MCM10: variants seen among roughly 807,000 people sequenced by gnomAD.
MCM10 encodes protein MCM10 homolog.
A neutral mutation model predicts 109.9 loss-of-function variants in MCM10; 91 were observed. The observed-to-expected ratio is 0.83, with a 90% CI of 0.70 to 0.99. The LOEUF (loss-of-function observed/expected upper bound fraction) is 0.99, where lower values mean the gene tolerates loss of function less well. Ranked by LOEUF, MCM10 falls within the 50% of genes least tolerant of loss-of-function variation. The pLI is 0.00. For synonymous variants in MCM10, 380 were observed against 387.2 expected (o/e 0.98, Z 0.22); for missense variants, 1,077 against 1,061.2 (o/e 1.01, Z -0.21).
chr10:13,204,495 G>A, intron 18 of MCM10, 131 bp downstream of exon 18: 2 of 1,159,338 alleles, frequency 1.7e-6, no homozygotes, highest in Non-Finnish European at 2.4e-6. Flanking sequence ...GCTACCCTTG[G>A]GACTCAAGCT....
intron 9 of MCM10, 38 bp from the exon 10 acceptor site, chr10:13,188,843 T>C (rs1488108186): frequency 6.3e-7 from 1 of 1,576,248 alleles, no homozygotes; most frequent in Admixed American, 1.7e-5. Context: ...TCCCAGCCTG[T>C]TGCCCTCATC....
At chr10:13,197,542 C>G (rs751192249) in intron 14 of MCM10, 81 bp from the exon 15 acceptor site, 134 of 1,305,182 alleles carry the variant, frequency 1.0e-4, no homozygotes, top group Non-Finnish European at 1.4e-4. Flanking sequence ...TCACTGGTTA[C>G]TAATAAAAAA....
At position 13,172,297 on chromosome 10, in the gene MCM10, A is replaced by G. The variant is rs1294889631; in HGVS notation, c.350-79A>G. On this transcript the variant is annotated intron_variant, in intron 3 of 19. Coordinates refer to ENST00000378714, the MANE Select transcript of MCM10 (RefSeq NM_018518.5). This position sits in a 1 kb window ranked among gnomAD's most constrained non-coding sequence, Gnocchi z 5.2. ...GGTATTGGGGCAGGGAGTGGACAACAAAAATATTGCCCGCATTTTTGTCAT... is the reference window on the plus strand; with the variant it reads ...GGTATTGGGGCAGGGAGTGGACAACGAAAATATTGCCCGCATTTTTGTCAT... The G allele has an allele frequency of 9.1e-7, 1 of 1,097,472 alleles. No homozygotes were observed. The highest frequency in any genetic ancestry group is 1.4e-6 in the Non-Finnish European group (1 of 723,336). The allele number at this position is 1,097,472 out of a possible 1,614,324, so 68.0% of individuals were successfully genotyped here.
At chr10:13,173,768 T>C (rs1347967352) in intron 5 of MCM10, among the ~76,000 whole-genome samples, 1 of 152,148 alleles carries the variant, frequency 6.6e-6, no homozygotes, top group Non-Finnish European at 1.5e-5. Flanking sequence ...TTGGCATTAC[T>C]AGGGTGTTGC....
At chr10:13,194,584 G>T (rs1462543002) in intron 13 of MCM10, among the ~76,000 whole-genome samples, 2 of 152,044 alleles carry the variant, frequency 1.3e-5, no homozygotes, top group Admixed American at 1.3e-4. Flanking sequence ...TAAAATAATC[G>T]CTGCAAGTTA....
chr10:13,192,058 A>G (rs1834354728), intron 11 of MCM10, among the ~76,000 whole-genome samples, 197 bp from the exon 12 acceptor site: 1 of 152,232 alleles, frequency 6.6e-6, no homozygotes, highest in Non-Finnish European at 1.5e-5. Context: ...TACTAGAAAT[A>G]AAATATAGTC....
chr10:13,192,544 G>A lies in MCM10; in HGVS notation c.1721G>A (p.Arg574Lys), dbSNP rs1307492206. The change falls in exon 13 of 20, where the codon AGG becomes AAG. Residue 574 changes from arginine (R) to lysine (K), a missense_variant. Coordinates refer to ENST00000378714, the MANE Select transcript of MCM10 (RefSeq NM_018518.5). ...CAGCGGATGTTGGAGATGAGGAGAA[G>A]GAAATCAGAAGAAATACAGAAGCGG... ...QKQRMLEMRR[R>K]KSEEIQKRFL... 3 of 1,614,152 alleles carry A rather than the reference G, an allele frequency of 1.9e-6. No individual in the cohort carries two copies. Among genetic ancestry groups the A allele is most frequent in the Non-Finnish European group, 2.5e-6 (3 of 1,180,032 alleles).
rs2277221 is a variant in MCM10, at chr10:13,204,284, T to C, written c.2418T>C (p.His806=). The change falls in exon 18 of 20, where the codon CAT becomes CAC. Residue 806 remains histidine, a synonymous_variant. Coordinates refer to ENST00000378714, the MANE Select transcript of MCM10 (RefSeq NM_018518.5). The part of the protein sequence containing the change: ...CVSEQHEYHW[H]DGVKRFFKCP... Reference sequence around the variant, plus strand: ...GTGAGCAGCATGAATACCACTGGCATGATGGTGTGAAGAGGTTTTTCAAAT... The same window carrying C: ...GTGAGCAGCATGAATACCACTGGCACGATGGTGTGAAGAGGTTTTTCAAAT... 15,480 of 1,614,128 alleles carry C rather than the reference T, an allele frequency of 9.6e-3. 408 individuals carry two copies. The highest frequency in any genetic ancestry group is 0.067 in the African/African-American group (5,029 of 74,998).
rs767395548 is a variant in MCM10, at chr10:13,180,510, A to G, written c.833A>G (p.Gln278Arg). The change falls in exon 7 of 20, where the codon CAG becomes CGG. Residue 278 changes from glutamine to arginine, a missense_variant. By Grantham distance (43) the Gln-to-Arg change is conservative. Transcript: ENST00000378714. The stretch of plus-strand genomic sequence containing the variant: ...GGCCGAAAACTGATCAGACTGTCTC[A>G]GATCAAGGAAAAGATGGCCAGAGAG... ...MTGRKLIRLSQIKEKMAREKL... is the reference protein window; with the variant it reads ...MTGRKLIRLSRIKEKMAREKL... 2 of 1,614,122 alleles carry G rather than the reference A, an allele frequency of 1.2e-6. No individual in the cohort carries two copies. Among genetic ancestry groups the G allele is most frequent in the Non-Finnish European group, 1.7e-6 (2 of 1,180,000 alleles).
Position 13,187,351 on chromosome 10 carries a change from T to TA in MCM10, c.1215+1072dup, listed in dbSNP as rs61557806. 4.7e-3 allele frequency among the ~76,000 whole-genome samples: 722 copies of TA among 152,366 alleles called. 6 individuals are homozygous for TA. The highest frequency in any genetic ancestry group is 0.016 in the African/African-American group (679 of 41,586). On this transcript the variant is annotated intron_variant, in intron 9 of 19. Transcript: ENST00000378714. ...GGTAAATAATATTCCATTGTATGGA[T>TA]ATACCATACGTTGTTTATTCTTTCA...
At chr10:13,177,333 G>C (rs1834154225) in intron 6 of MCM10, among the ~76,000 whole-genome samples, 1 of 152,166 alleles carries the variant, frequency 6.6e-6, no homozygotes, top group Non-Finnish European at 1.5e-5. Context: ...CACAGGTCGA[G>C]GGTCCCTTAT....
At chr10:13,198,863 G>A (rs912249836) in intron 16 of MCM10, 56 bp downstream of exon 16, 1 of 1,122,572 alleles carries the variant, frequency 8.9e-7, no homozygotes, top group African/African-American at 1.5e-5. Context: ...TCAAAGCCAA[G>A]GTGCTAGCTG....
intron 17 of MCM10, among the ~76,000 whole-genome samples, chr10:13,202,586 G>A (rs2131588303): frequency 6.6e-6 from 1 of 152,236 alleles, no homozygotes; most frequent in East Asian, 1.9e-4. Context: ...CCAAAAGTAG[G>A]GCTTCCTTGA....
chr10:13,192,498 G>A lies in MCM10; in HGVS notation c.1675G>A (p.Ala559Thr), dbSNP rs138715202. Residue 559 changes from alanine to threonine, a missense_variant, in exon 13 of 20, where the codon GCA becomes ACA. Physicochemically the swap from Ala to Thr is moderately conservative, Grantham distance 58 (BLOSUM62 0). Transcript: ENST00000378714. ...KPAIKSISAS[A>T]LLKQQKQRML... ...AGCCATCAAGTCCATCTCGGCCTCA[G>A]CACTCTTGAAGCAACAGAAGCAGCG... is the stretch of plus-strand genomic sequence containing the variant. The A allele has an allele frequency of 4.4e-5, 71 of 1,614,056 alleles. 1 individual carries two copies. In the African/African-American group the frequency reaches 8.5e-4, roughly 19 times the overall value.
intron 15 of MCM10, among the ~76,000 whole-genome samples, chr10:13,198,005 TG>T (rs1359943084): frequency 4.0e-5 from 6 of 151,606 alleles, no homozygotes; most frequent in African/African-American, 1.5e-4. Flanking sequence ...CTCTGCCTCC[TG>T]GGTTCAAGCG....
intron 1 of MCM10, among the ~76,000 whole-genome samples, chr10:13,162,376 C>T (rs1833938081): frequency 6.6e-6 from 1 of 152,102 alleles, no homozygotes; most frequent in Admixed American, 6.5e-5. Context: ...TGAAGGGACC[C>T]CCATGATCTG....
chr10:13,196,915 T>G lies in MCM10; in HGVS notation c.1975-708T>G, dbSNP rs549701197. Among the ~76,000 whole-genome samples the G allele has an allele frequency of 1.9e-4, 28 of 149,580 alleles. No homozygotes were observed. The South Asian group carries it at 5.9e-3, about 32-fold the overall frequency. On this transcript the variant is annotated intron_variant, in intron 14 of 19. Transcript: ENST00000378714. ...GGTAGGTCAATGCTATATCATCATT[T>G]CCTTCTCTTTTTTTGTGTGTTTGTT...
chr10:13,206,381 C>T (rs1414462242), intron 18 of MCM10, among the ~76,000 whole-genome samples: 5 of 152,176 alleles, frequency 3.3e-5, no homozygotes, highest in African/African-American at 1.2e-4. Context: ...TTGTCAAGAG[C>T]TCTCACTGGG....
At chr10:13,175,056 A>T (rs569989094) in intron 5 of MCM10, among the ~76,000 whole-genome samples, 48 of 151,890 alleles carry the variant, frequency 3.2e-4, no homozygotes, top group Admixed American at 1.2e-3. Flanking sequence ...TGAACCCTGG[A>T]GGCGGAGGTT....
Sources: allele counts gnomAD v4.1 joint callset (sites outside exome capture counted in the v4.1 genomes callset), GRCh38; gene constraint gnomAD v4.1.1; non-coding constraint Gnocchi (gnomAD v3.1); transcripts MANE v1.5; gene names NCBI Gene and HGNC (gene_info 2026-07-23, HGNC 2026-07-21).